Variants in PPP2R2B observed in about 807,000 individuals in gnomAD.
PPP2R2B encodes protein phosphatase 2 regulatory subunit Bbeta.
Under a neutral mutation model 46.0 loss-of-function variants are expected in PPP2R2B, and 5 were observed. The ratio of observed to expected loss-of-function variants is 0.11; its 90% CI spans 0.06 to 0.23. The LOEUF is 0.23. PPP2R2B is among the 10% of genes least tolerant of loss of function. The pLI, the probability that PPP2R2B is intolerant of heterozygous loss-of-function variation, is 1.00. For missense variants in PPP2R2B, 367 were observed against 575.0 expected (o/e 0.64, Z 3.70); for synonymous variants, 215 against 206.7 (o/e 1.04, Z -0.34).
At chr5:146,784,051 G>C (rs1477702556) in intron 2 of PPP2R2B, among the ~76,000 whole-genome samples, 1 of 152,116 alleles carries the variant, frequency 6.6e-6, no homozygotes, top group Non-Finnish European at 1.5e-5. Flanking sequence ...ATTGACTGGA[G>C]TACCCCAAAA....
At position 146,843,743 on chromosome 5, in the gene PPP2R2B, T is replaced by C. The variant is rs542527004; in HGVS notation, c.70+34259A>G. 2.6e-5 allele frequency among the ~76,000 whole-genome samples: 4 copies of C among 152,242 alleles called. No homozygotes were observed. In the South Asian group the frequency reaches 8.3e-4, roughly 32 times the overall value. ...TCAAAAATATACTGAAAATGATGGT[T>C]TCCAATTTCATCCATGTCCCTACAA... is the stretch of plus-strand genomic sequence containing the variant. On this transcript the variant is annotated intron_variant, in intron 2 of 9. Coordinates refer to ENST00000394411, the MANE Select transcript of PPP2R2B (RefSeq NM_181675.4).
chr5:146,860,540 C>T (rs1760924262), intron 2 of PPP2R2B, among the ~76,000 whole-genome samples: 1 of 152,162 alleles, frequency 6.6e-6, no homozygotes, highest in African/African-American at 2.4e-5. Flanking sequence ...CTTTAACAGC[C>T]TCATTGCCAT....
chr5:146,922,549 C>G (rs1395847680), intron 1 of PPP2R2B: 3 of 152,282 alleles, frequency 2.0e-5, no homozygotes, highest in Non-Finnish European at 2.9e-5. Context: ...GGGCGGGGAG[C>G]TCAGGGTCTG....
chr5:146,926,616 C>A (rs1360756831), intron 1 of PPP2R2B, among the ~76,000 whole-genome samples: 1 of 152,118 alleles, frequency 6.6e-6, no homozygotes, highest in Non-Finnish European at 1.5e-5. Context: ...AATGATTGAA[C>A]ATCATTTATG....
intron 2 of PPP2R2B, among the ~76,000 whole-genome samples, chr5:146,781,131 GATATATATATAT>G (rs56697862): frequency 0.033 from 1,646 of 49,434 alleles, 77 homozygotes; most frequent in African/African-American, 0.039. Context: ...ATGCCACCAT[GATATATATATAT>G]ATATATATAT....
intron 2 of PPP2R2B, among the ~76,000 whole-genome samples, chr5:146,833,973 C>T (rs1363251410): frequency 6.6e-6 from 1 of 152,132 alleles, no homozygotes; most frequent in Non-Finnish European, 1.5e-5. Flanking sequence ...CTTCCATGCA[C>T]ATCCTAGGGG....
At chr5:146,797,193 A>G (rs1756592344) in intron 2 of PPP2R2B, among the ~76,000 whole-genome samples, 1 of 152,198 alleles carries the variant, frequency 6.6e-6, no homozygotes, top group South Asian at 2.1e-4. Context: ...GACTACAATC[A>G]TGCTTTAGCT....
chr5:146,934,278 A>C (rs1303740030), intron 1 of PPP2R2B, among the ~76,000 whole-genome samples: 1 of 151,382 alleles, frequency 6.6e-6, no homozygotes, highest in Admixed American at 6.6e-5. Flanking sequence ...CAATGGTTGA[A>C]CTAGTTTACA....
intron 1 of PPP2R2B, among the ~76,000 whole-genome samples, chr5:146,889,835 G>A (rs767761464): frequency 9.9e-5 from 15 of 152,174 alleles, no homozygotes; most frequent in Non-Finnish European, 2.1e-4. Flanking sequence ...CTTAGCAGTT[G>A]TCTAACTCCA....
chr5:146,753,429 C>T (rs1314625905), intron 2 of PPP2R2B, among the ~76,000 whole-genome samples: 1 of 152,158 alleles, frequency 6.6e-6, no homozygotes, highest in Non-Finnish European at 1.5e-5. Flanking sequence ...GTGCTGGTTG[C>T]CTTGGTGACA....
chr5:146,662,613 T>C (rs1776737335), intron 5 of PPP2R2B, among the ~76,000 whole-genome samples: 1 of 152,224 alleles, frequency 6.6e-6, no homozygotes, highest in African/African-American at 2.4e-5. Flanking sequence ...AAATTTCTTT[T>C]CTTTATAAAT....
intron 1 of PPP2R2B, among the ~76,000 whole-genome samples, chr5:147,042,429 T>C (rs1185985584): frequency 6.6e-6 from 1 of 152,134 alleles, no homozygotes; most frequent in Admixed American, 6.5e-5. Context: ...AAAAATGCCA[T>C]AGGACTACCC....
At chr5:146,761,839 T>C (rs1395657361) in intron 2 of PPP2R2B, among the ~76,000 whole-genome samples, 1 of 152,114 alleles carries the variant, frequency 6.6e-6, no homozygotes, top group Non-Finnish European at 1.5e-5. Context: ...TGTGATAATT[T>C]AGTAATGTTT....
intron 1 of PPP2R2B, among the ~76,000 whole-genome samples, chr5:146,965,764 A>C (rs72825267): frequency 7.2e-5 from 11 of 152,336 alleles, no homozygotes; most frequent in African/African-American, 2.6e-4. Context: ...TTATCTTGAT[A>C]ATAATTCTTC....
chr5:146,657,521 T>C (rs1376647004), intron 5 of PPP2R2B, among the ~76,000 whole-genome samples: 3 of 152,164 alleles, frequency 2.0e-5, no homozygotes, highest in Non-Finnish European at 4.4e-5. Context: ...TAATCAATTA[T>C]GTTATGGAAG....
At chr5:146,763,510 T>C (rs769899345) in intron 2 of PPP2R2B, among the ~76,000 whole-genome samples, 2 of 152,196 alleles carry the variant, frequency 1.3e-5, no homozygotes, top group Non-Finnish European at 2.9e-5. Context: ...GAACTGACTC[T>C]TGGCTGGTGC....
At chr5:147,064,529 T>C (rs532461209) in intron 2 of PPP2R2B, among the ~76,000 whole-genome samples, 2 of 152,332 alleles carry the variant, frequency 1.3e-5, no homozygotes, top group South Asian at 4.1e-4. Context: ...GCTGTGATAA[T>C]GGACACATTA....
chr5:146,837,238 A>AATAGGCTT (rs1179012281), intron 2 of PPP2R2B, among the ~76,000 whole-genome samples: 1 of 152,250 alleles, frequency 6.6e-6, no homozygotes, highest in Non-Finnish European at 1.5e-5. Context: ...GAACTTTAAA[A>AATAGGCTT]ATAGGCTTTG....
rs1261490020 is a variant in PPP2R2B at position 146,609,904 on chromosome 5, C to T, written c.791-9444G>A. Among the ~76,000 whole-genome samples, 13 of 144,560 alleles carry T rather than the reference C, an allele frequency of 9.0e-5. 1 individual carries two copies. The highest frequency in any genetic ancestry group is 2.3e-4 in the South Asian group (1 of 4,426). 94.8% of individuals were successfully genotyped at this position (144,560 alleles called of 152,430 possible). A position where few individuals can be genotyped will look rare whatever the true frequency, so the allele number is the denominator to read the frequency against. On this transcript the variant is annotated intron_variant, in intron 7 of 9. Transcript: ENST00000394411. ...CTGAGATCAAACTGCAAGGTGGCAA[C>T]GAGGCTGGGGGAGGGGCGCCCGCCA...
Sources: allele counts gnomAD v4.1 joint callset (sites outside exome capture counted in the v4.1 genomes callset), GRCh38; gene constraint gnomAD v4.1.1; transcripts MANE v1.5; gene names NCBI Gene and HGNC (gene_info 2026-07-23, HGNC 2026-07-21).